CNTNAP2: variants seen among roughly 807,000 people sequenced by gnomAD.
The protein encoded by CNTNAP2 is contactin associated protein 2.
In CNTNAP2, 98 loss-of-function variants were observed where a neutral mutation model predicts 155.2. The ratio of observed to expected loss-of-function variants is 0.63; its 90% CI spans 0.54 to 0.75. The LOEUF is 0.75. CNTNAP2 is among the 30% of genes least tolerant of loss of function. The pLI is 0.00. For missense variants in CNTNAP2, 1,727 were observed against 1,688.1 expected, an observed-to-expected ratio of 1.02 and a Z score of -0.40; for synonymous variants, 651 against 631.2, an observed-to-expected ratio of 1.03 and a Z score of -0.47.
At chr7:147,969,028 G>A (rs1033595861) in intron 14 of CNTNAP2, among the ~76,000 whole-genome samples, 3 of 152,112 alleles carry the variant, frequency 2.0e-5, no homozygotes, top group Non-Finnish European at 4.4e-5. Flanking sequence ...AAAACAGGGG[G>A]ATCTCTTATC....
chr7:146,512,985 A>G (rs954661202), intron 1 of CNTNAP2, among the ~76,000 whole-genome samples: 1 of 151,932 alleles, frequency 6.6e-6, no homozygotes, highest in Non-Finnish European at 1.5e-5. Flanking sequence ...GATTACCTAT[A>G]TATTTACAAT....
chr7:146,820,289 G>A (rs1475820248), intron 2 of CNTNAP2, among the ~76,000 whole-genome samples: 2 of 152,036 alleles, frequency 1.3e-5, no homozygotes, highest in Non-Finnish European at 2.9e-5. Context: ...AAGCACTGTA[G>A]CTATCACAAA....
At chr7:147,176,097 G>A (rs1053410756) in intron 8 of CNTNAP2, among the ~76,000 whole-genome samples, 10 of 152,116 alleles carry the variant, frequency 6.6e-5, no homozygotes, top group African/African-American at 2.4e-4. Flanking sequence ...TCATAAGGAT[G>A]GCTAGACCTG....
chr7:147,520,563 C>G (rs1799213793), intron 11 of CNTNAP2, among the ~76,000 whole-genome samples: 1 of 152,128 alleles, frequency 6.6e-6, no homozygotes, highest in African/African-American at 2.4e-5. Flanking sequence ...CACAGGTACT[C>G]ATATTTAACT....
At chr7:148,184,749 C>G (rs1300721055) in intron 18 of CNTNAP2, among the ~76,000 whole-genome samples, 1 of 152,152 alleles carries the variant, frequency 6.6e-6, no homozygotes, top group East Asian at 1.9e-4. Context: ...AACAGTGGAA[C>G]AAGAGTAACT....
intron 13 of CNTNAP2, among the ~76,000 whole-genome samples, chr7:147,651,971 A>G (rs1795456766): frequency 6.6e-6 from 1 of 152,222 alleles, no homozygotes; most frequent in Admixed American, 6.5e-5. Context: ...CTTACAGTTG[A>G]ATCAAGTTCC....
chr7:146,427,690 T>C (rs1796112600), intron 1 of CNTNAP2, among the ~76,000 whole-genome samples: 2 of 152,234 alleles, frequency 1.3e-5, no homozygotes, highest in Non-Finnish European at 1.5e-5. Flanking sequence ...ATTTTGTCTA[T>C]AGCTATATAT....
chr7:147,365,730 A>G (rs1796218744), intron 9 of CNTNAP2, among the ~76,000 whole-genome samples: 1 of 152,170 alleles, frequency 6.6e-6, no homozygotes, highest in African/African-American at 2.4e-5. Flanking sequence ...TTACAAAGTT[A>G]TATTTCCTAT....
chr7:146,541,262 A>C (rs1014977964), intron 1 of CNTNAP2, among the ~76,000 whole-genome samples: 5 of 151,978 alleles, frequency 3.3e-5, no homozygotes, highest in Non-Finnish European at 7.4e-5. Flanking sequence ...ATATAATGCA[A>C]GTCTCATAAA....
chr7:147,071,143 C>T (rs934259551), intron 4 of CNTNAP2, among the ~76,000 whole-genome samples: 3 of 152,168 alleles, frequency 2.0e-5, no homozygotes, highest in African/African-American at 7.2e-5. Context: ...AGCCTTCTGA[C>T]TGGTGCTCTA....
At position 146,270,440 on chromosome 7, in the gene CNTNAP2, T is replaced by C. The variant is rs1800062841; in HGVS notation, c.97+153467T>C. On this transcript the variant is annotated intron_variant, in intron 1 of 23. Transcript: ENST00000361727. ...GAATTTTGATTGTTTTTGGCAATTA[T>C]CTTAAAGATTTCATATCCAGAAACT... Among the ~76,000 whole-genome samples, 4 of 152,326 alleles carry C rather than the reference T, an allele frequency of 2.6e-5. No individual in the cohort carries two copies. The South Asian group carries it at 8.3e-4, about 32-fold the overall frequency.
intron 6 of CNTNAP2, among the ~76,000 whole-genome samples, chr7:147,124,947 T>C (rs1310396176): frequency 2.0e-5 from 3 of 150,456 alleles, no homozygotes; most frequent in African/African-American, 7.4e-5. Flanking sequence ...GTGGCGCGAT[T>C]TTGGCTCACT....
At chr7:146,472,592 C>A (rs1399287784) in intron 1 of CNTNAP2, among the ~76,000 whole-genome samples, 1 of 152,096 alleles carries the variant, frequency 6.6e-6, no homozygotes, top group Non-Finnish European at 1.5e-5. Context: ...AAAGTAAAAT[C>A]ACTACATCTA....
At chr7:146,669,099 CT>C (rs1800251969) in intron 1 of CNTNAP2, among the ~76,000 whole-genome samples, 2 of 152,018 alleles carry the variant, frequency 1.3e-5, no homozygotes, top group South Asian at 4.1e-4. Context: ...TTCAGGAAAA[CT>C]TAAGAAACGT....
chr7:147,624,605 G>A (rs1190914013), intron 12 of CNTNAP2, among the ~76,000 whole-genome samples: 3 of 152,074 alleles, frequency 2.0e-5, no homozygotes, highest in Admixed American at 6.6e-5. Context: ...AAGACAGGCA[G>A]TAACAAATGC....
chr7:146,868,250 A>G (rs1478210353), intron 3 of CNTNAP2, among the ~76,000 whole-genome samples: 2 of 152,062 alleles, frequency 1.3e-5, no homozygotes, highest in Admixed American at 1.3e-4. Context: ...CTAGCCAGTT[A>G]TCCCAGCACC....
intron 10 of CNTNAP2, among the ~76,000 whole-genome samples, chr7:147,472,720 G>T (rs12703918): frequency 6.6e-6 from 1 of 151,672 alleles, no homozygotes; most frequent in Admixed American, 6.6e-5. Flanking sequence ...TGTTTACAAA[G>T]CTTTGTTAAT....
intron 15 of CNTNAP2, among the ~76,000 whole-genome samples, chr7:148,013,723 G>C (rs1802123375): frequency 6.6e-6 from 1 of 152,176 alleles, no homozygotes; most frequent in South Asian, 2.1e-4. Flanking sequence ...TGCAACAAAG[G>C]AAAATGTAGG....
At chr7:147,829,244 A>T (rs188667394) in intron 13 of CNTNAP2, among the ~76,000 whole-genome samples, 6 of 152,184 alleles carry the variant, frequency 3.9e-5, no homozygotes, top group South Asian at 4.1e-4. Flanking sequence ...GCAGATGGAA[A>T]GATCCTGTTT....
Sources: gnomAD v4.1 joint callset for allele counts (sites outside exome capture counted in the v4.1 genomes callset) on GRCh38, gnomAD v4.1.1 for gene constraint, MANE v1.5 for transcripts, NCBI Gene and HGNC (gene_info 2026-07-23, HGNC 2026-07-21) for gene names.